The following BTBD18 variants were observed in gnomAD, a reference collection of about 807,000 sequenced individuals.
The protein encoded by BTBD18 is BTB domain containing 18.
For synonymous variants in BTBD18, 311 were observed against 324.4 expected, an observed-to-expected ratio of 0.96 and a Z score of 0.44; for missense variants, 787 against 846.3, an observed-to-expected ratio of 0.93 and a Z score of 0.87.
At chr11:57,751,033 A>G in intron 2 of BTBD18, 32 bp downstream of exon 2, 1 of 1,496,426 alleles carries the variant, frequency 6.7e-7, no homozygotes. Flanking sequence ...TTCTATGGTG[A>G]GTTTTCAGTT....
rs1949171660 is a variant in BTBD18 at position 57,745,460 on chromosome 11, A to G, written c.813T>C (p.Ser271=). The G allele has an allele frequency of 6.4e-7, 1 of 1,551,094 alleles. No individual in the cohort carries two copies. The highest frequency in any genetic ancestry group is 8.7e-7 in the Non-Finnish European group (1 of 1,146,980). ...AAGGCTTTGATGTACAGATACCAGG[A>G]GATGGCTTTGAGCGACTGAGCCTGA... is the stretch of plus-strand genomic sequence containing the variant. ...RKIRLSRSKP[S]PGICTSKPSS... Residue 271 remains serine (S), a synonymous_variant, in exon 3 of 3, where the codon TCT becomes TCC. Transcript: ENST00000422652.
intron 2 of BTBD18, 31 bp from the exon 3 acceptor site, chr11:57,746,179 A>G: frequency 6.7e-7 from 1 of 1,491,168 alleles, no homozygotes; most frequent in Non-Finnish European, 9.0e-7. Context: ...TTTTGTTATC[A>G]GGTAGACTGG....
Position 57,743,757 on chromosome 11 carries a change from AC to A in BTBD18, c.*376del. ...CCTCTGGAACATTTTCTTAAACAAT[AC>A]CCCACCACAGAGGAGGGTGTTCTTT... On this transcript the variant is annotated 3_prime_UTR_variant, in exon 3 of 3. Coordinates refer to ENST00000422652, the MANE Select transcript of BTBD18 (RefSeq NM_001145101.3). The A allele has an allele frequency of 5.5e-6, 1 of 182,644 alleles. No homozygotes were observed. Among genetic ancestry groups the A allele is most frequent in the Non-Finnish European group, 1.2e-5 (1 of 86,310 alleles). The allele number at this position is 182,644 out of a possible 1,614,324, so 11.3% of individuals were successfully genotyped here. A position where few individuals can be genotyped will look rare whatever the true frequency, so the allele number is the denominator to read the frequency against.
rs1364017914 is a variant in BTBD18 at position 57,744,150 on chromosome 11, A to T, written c.2123T>A (p.Val708Glu). 1.9e-6 allele frequency: 3 copies of T among 1,549,582 alleles called. No homozygotes were observed. The highest frequency in any genetic ancestry group is 2.0e-5 in the Admixed American group (1 of 50,852). ...PDPSSESETEVDILT is the reference protein window; with the variant it reads ...PDPSSESETEEDILT ...CCCTCTCCACTATGTTAGTATATCTACCTCTGTTTCTGACTCTGAGGAAGG... is the reference window on the plus strand; with the variant it reads ...CCCTCTCCACTATGTTAGTATATCTTCCTCTGTTTCTGACTCTGAGGAAGG... The change falls in exon 3 of 3, where the codon GTA (valine) becomes GAA (glutamate). Residue 708 changes from valine (V) to glutamate (E), a missense_variant. Coordinates refer to ENST00000422652, the MANE Select transcript of BTBD18 (RefSeq NM_001145101.3).
upstream of BTBD18, among the ~76,000 whole-genome samples, chr11:57,752,955 G>A (rs1225805898): frequency 1.3e-5 from 2 of 152,238 alleles, no homozygotes; most frequent in Admixed American, 1.3e-4. Flanking sequence ...GTGGGGATCC[G>A]GGAGGCCCAA....
chr11:57,752,457 C>G (rs927552817), upstream of BTBD18, among the ~76,000 whole-genome samples: 1 of 151,744 alleles, frequency 6.6e-6, no homozygotes, highest in Admixed American at 6.6e-5. Flanking sequence ...TCGCTTGAAC[C>G]TGGGAGGCAG....
At chr11:57,748,349 C>T (rs1372400984) in intron 2 of BTBD18, among the ~76,000 whole-genome samples, 2 of 152,128 alleles carry the variant, frequency 1.3e-5, no homozygotes, top group Non-Finnish European at 2.9e-5. Flanking sequence ...AAAGTAGCTA[C>T]TGTTATTATA....
At chr11:57,748,930 A>G (rs1949244814) in intron 2 of BTBD18, among the ~76,000 whole-genome samples, 1 of 152,170 alleles carries the variant, frequency 6.6e-6, no homozygotes, top group African/African-American at 2.4e-5. Context: ...TCTCTGGTCA[A>G]TACATGTTTT....
At position 57,751,050 on chromosome 11, in the gene BTBD18, C is replaced by T. The variant is rs1344104175; in HGVS notation, c.124+15G>A. 14 of 1,513,780 alleles carry T rather than the reference C, an allele frequency of 9.2e-6. No homozygotes were observed. Among genetic ancestry groups the T allele is most frequent in the East Asian group, 2.6e-5 (1 of 39,042 alleles). 93.8% of individuals were successfully genotyped at this position (1,513,780 alleles called of 1,614,324 possible). A position where few individuals can be genotyped will look rare whatever the true frequency, so the allele number is the denominator to read the frequency against. ...CTATGGTGAGTTTTCAGTTGAATTCCGACCACTCTCTTACCTTCTGCCTGC... is the reference window on the plus strand; with the variant it reads ...CTATGGTGAGTTTTCAGTTGAATTCTGACCACTCTCTTACCTTCTGCCTGC... On this transcript the variant is annotated intron_variant, in intron 2 of 2. Transcript: ENST00000422652.
At chr11:57,752,363 C>G (rs144902491), upstream of BTBD18, among the ~76,000 whole-genome samples, 1 of 152,040 alleles carries the variant, frequency 6.6e-6, no homozygotes, top group African/African-American at 2.4e-5. Context: ...GGTGACTCCC[C>G]GTCTCTACAA....
chr11:57,744,016 A>G lies in BTBD18; in HGVS notation c.*118T>C. ...GGAAGGGAGGAAGGGACCTACAAAGAGCCAGGGTACACCTGCCTCTTGTGC... is the reference window on the plus strand; with the variant it reads ...GGAAGGGAGGAAGGGACCTACAAAGGGCCAGGGTACACCTGCCTCTTGTGC... On this transcript the variant is annotated 3_prime_UTR_variant, in exon 3 of 3. Transcript: ENST00000422652. The G allele has an allele frequency of 1.4e-6, 1 of 707,672 alleles. No individual in the cohort carries two copies. The highest frequency in any genetic ancestry group is 2.7e-5 in the East Asian group (1 of 36,600). 43.8% of individuals were successfully genotyped at this position (707,672 alleles called of 1,614,324 possible). A position where few individuals can be genotyped will look rare whatever the true frequency, so the allele number is the denominator to read the frequency against.
At chr11:57,746,375 G>A (rs1176572816) in intron 2 of BTBD18, among the ~76,000 whole-genome samples, 1 of 149,080 alleles carries the variant, frequency 6.7e-6, no homozygotes, top group Non-Finnish European at 1.5e-5. Context: ...GGTTGCCCAG[G>A]CTGGAGTGCA....
chr11:57,750,445 CAG>C (rs1949284025), intron 2 of BTBD18, among the ~76,000 whole-genome samples: 1 of 152,244 alleles, frequency 6.6e-6, no homozygotes. Context: ...CCTATAATCC[CAG>C]CACTTTGGCA....
At chr11:57,752,949 G>C (rs1276989575), upstream of BTBD18, among the ~76,000 whole-genome samples, 2 of 152,362 alleles carry the variant, frequency 1.3e-5, no homozygotes, top group African/African-American at 4.8e-5. Context: ...TGGACCGTGG[G>C]GATCCGGGAG....
chr11:57,748,961 C>T (rs1054270751), intron 2 of BTBD18, among the ~76,000 whole-genome samples: 7 of 152,246 alleles, frequency 4.6e-5, no homozygotes, highest in African/African-American at 9.6e-5. Flanking sequence ...CTAATAATAA[C>T]GAACAAACCC....
In BTBD18 at chr11:57,743,804, C is replaced by T. The variant is rs1949138606; in HGVS notation, c.*330G>A. 4.8e-6 allele frequency: 1 copy of T among 207,858 alleles called. No homozygotes were observed. The highest frequency in any genetic ancestry group is 9.7e-6 in the Non-Finnish European group (1 of 103,122). The allele number at this position is 207,858 out of a possible 1,614,324, so 12.9% of individuals were successfully genotyped here. A position where few individuals can be genotyped will look rare whatever the true frequency, so the allele number is the denominator to read the frequency against. On this transcript the variant is annotated 3_prime_UTR_variant, in exon 3 of 3. Coordinates refer to ENST00000422652, the MANE Select transcript of BTBD18 (RefSeq NM_001145101.3). ...TCTTTCTCAGCTTTTCCTAAATTAC[C>T]AGTGACTGGATGCCTTATGACCTGA... is the stretch of plus-strand genomic sequence containing the variant.
Position 57,744,674 on chromosome 11 carries a change from T to G in BTBD18, c.1599A>C (p.Gly533=). 1 of 1,551,718 alleles carries G rather than the reference T, an allele frequency of 6.4e-7. No homozygotes were observed. The highest frequency in any genetic ancestry group is 8.7e-7 in the Non-Finnish European group (1 of 1,146,998). Residue 533 remains glycine, a synonymous_variant, in exon 3 of 3, where the codon GGA becomes GGC. Transcript: ENST00000422652. ...ATTCTTCCCCTTCAATCCAGTTCTTTCCTGTTTCTGTCAGATGGTAGGTAG... is the reference window on the plus strand; with the variant it reads ...ATTCTTCCCCTTCAATCCAGTTCTTGCCTGTTTCTGTCAGATGGTAGGTAG... ...RTPTYHLTET[G]KNWIEGEEWC... is the part of the protein sequence containing the mutation.
upstream of BTBD18, among the ~76,000 whole-genome samples, chr11:57,752,017 C>T (rs1949321552): frequency 6.6e-6 from 1 of 152,114 alleles, no homozygotes; most frequent in Admixed American, 6.5e-5. Flanking sequence ...AGTTAATTAC[C>T]AGGCTAACAA....
chr11:57,748,116 C>A (rs1476298758), intron 2 of BTBD18, among the ~76,000 whole-genome samples: 2 of 151,856 alleles, frequency 1.3e-5, no homozygotes, highest in African/African-American at 4.8e-5. Context: ...GAGACAAGGT[C>A]TCAGTACATT....
Sources: gnomAD v4.1 joint callset for allele counts (sites outside exome capture counted in the v4.1 genomes callset) on GRCh38, gnomAD v4.1.1 for gene constraint, MANE v1.5 for transcripts, NCBI Gene and HGNC (gene_info 2026-07-23, HGNC 2026-07-21) for gene names.